Variants in PLCB1 observed in about 807,000 individuals in gnomAD.
The protein encoded by PLCB1 is 1-phosphatidylinositol 4,5-bisphosphate phosphodiesterase beta-1.
Under a neutral mutation model 161.8 loss-of-function variants are expected in PLCB1, and 46 were observed. The observed-to-expected ratio is 0.28, with a 90% CI of 0.22 to 0.36. The LOEUF is 0.36. Among genes scored for constraint, PLCB1 ranks in the 10% least tolerant of loss-of-function variants. The pLI is 1.00. For synonymous variants in PLCB1, 517 were observed against 503.7 expected (o/e 1.03, Z -0.35); for missense variants, 1,016 against 1,472.5 (o/e 0.69, Z 5.07).
chr20:8,365,348 A>G (rs1229629799), intron 2 of PLCB1, among the ~76,000 whole-genome samples: 1 of 152,206 alleles, frequency 6.6e-6, no homozygotes, highest in Non-Finnish European at 1.5e-5. Flanking sequence ...CAGATGTGTC[A>G]TCTTTCTCTT....
intron 2 of PLCB1, among the ~76,000 whole-genome samples, chr20:8,162,718 T>G (rs1486214411): frequency 1.3e-5 from 2 of 152,342 alleles, no homozygotes; most frequent in Non-Finnish European, 2.9e-5. Flanking sequence ...CGGCAAACAA[T>G]GCACCTGTGT....
chr20:8,354,268 T>A (rs754749128), intron 2 of PLCB1, among the ~76,000 whole-genome samples: 1 of 151,994 alleles, frequency 6.6e-6, no homozygotes, highest in Non-Finnish European at 1.5e-5. Flanking sequence ...GTAAAACAAG[T>A]ATTTCAAGAA....
intron 3 of PLCB1, among the ~76,000 whole-genome samples, chr20:8,432,572 A>G (rs1420849419): frequency 6.6e-6 from 1 of 152,262 alleles, no homozygotes; most frequent in Non-Finnish European, 1.5e-5. Flanking sequence ...AGCAGATGCT[A>G]AAACTCAGGA....
intron 2 of PLCB1, among the ~76,000 whole-genome samples, chr20:8,340,232 A>G (rs1037124341): frequency 1.3e-5 from 2 of 152,130 alleles, no homozygotes; most frequent in African/African-American, 4.8e-5. Flanking sequence ...CTCTGAGACA[A>G]TTGTAATGAA....
chr20:8,509,834 C>T (rs191586009), intron 3 of PLCB1, among the ~76,000 whole-genome samples: 16 of 152,194 alleles, frequency 1.1e-4, no homozygotes, highest in African/African-American at 3.1e-4. Context: ...TCTGAAGTTT[C>T]GGGAATAATT....
intron 9 of PLCB1, among the ~76,000 whole-genome samples, chr20:8,665,309 GA>G (rs1989783798): frequency 6.6e-6 from 1 of 152,198 alleles, no homozygotes; most frequent in South Asian, 2.1e-4. Flanking sequence ...TTTTGTTAAA[GA>G]GGTTACATAT....
chr20:8,805,084 T>A (rs965483956), intron 31 of PLCB1, among the ~76,000 whole-genome samples: 4 of 151,950 alleles, frequency 2.6e-5, no homozygotes, highest in African/African-American at 9.7e-5. Context: ...TGTTTTCTAT[T>A]ATGATAGAAG....
intron 11 of PLCB1, among the ~76,000 whole-genome samples, chr20:8,705,167 A>G (rs896641188): frequency 6.6e-5 from 10 of 152,058 alleles, no homozygotes; most frequent in African/African-American, 2.4e-4. Context: ...AGTCAAGTTG[A>G]CACATAAAAT....
chr20:8,756,363 G>C (rs1981737566), intron 23 of PLCB1, among the ~76,000 whole-genome samples: 1 of 152,194 alleles, frequency 6.6e-6, no homozygotes, highest in Admixed American at 6.5e-5. Flanking sequence ...TGCAGGGCCA[G>C]AATCTGAACC....
At chr20:8,264,743 A>G (rs1375875790) in intron 2 of PLCB1, among the ~76,000 whole-genome samples, 3 of 152,100 alleles carry the variant, frequency 2.0e-5, no homozygotes, top group Non-Finnish European at 4.4e-5. Flanking sequence ...GTAGGTACAC[A>G]CACATATGTT....
intron 3 of PLCB1, among the ~76,000 whole-genome samples, chr20:8,476,073 A>G (rs775149731): frequency 6.6e-6 from 1 of 152,188 alleles, no homozygotes; most frequent in Non-Finnish European, 1.5e-5. Flanking sequence ...TAAGGCTATT[A>G]CAGTCATTTC....
intron 23 of PLCB1, among the ~76,000 whole-genome samples, chr20:8,742,518 CAAAGA>C (rs777236157): frequency 2.0e-4 from 31 of 152,032 alleles, no homozygotes; most frequent in Admixed American, 7.9e-4. Context: ...AAGAAAACAA[CAAAGA>C]AATCAACTGT....
At chr20:8,508,642 A>G (rs566721923) in intron 3 of PLCB1, among the ~76,000 whole-genome samples, 75 of 152,324 alleles carry the variant, frequency 4.9e-4, no homozygotes, top group African/African-American at 1.7e-3. Context: ...GGAAACAAAC[A>G]TGGTGTTGAA....
At chr20:8,401,630 A>G (rs1978556510) in intron 3 of PLCB1, among the ~76,000 whole-genome samples, 1 of 152,210 alleles carries the variant, frequency 6.6e-6, no homozygotes. Context: ...AAGGTCTGCA[A>G]AAACATTCCA....
intron 2 of PLCB1, among the ~76,000 whole-genome samples, chr20:8,214,332 G>A (rs556558937): frequency 2.7e-4 from 41 of 152,200 alleles, no homozygotes; most frequent in South Asian, 1.5e-3. Context: ...TCTTAGTGCT[G>A]TCCTCACGAC....
chr20:8,135,069 C>A (rs1285437351), intron 1 of PLCB1, among the ~76,000 whole-genome samples: 1 of 152,134 alleles, frequency 6.6e-6, no homozygotes, highest in African/African-American at 2.4e-5. Context: ...CTTCCAGAAT[C>A]AAGCCAGTTC....
At chr20:8,597,011 A>G (rs1343750362) in intron 3 of PLCB1, among the ~76,000 whole-genome samples, 7 of 149,392 alleles carry the variant, frequency 4.7e-5, no homozygotes, top group East Asian at 2.0e-4. Flanking sequence ...GGCTGAGACA[A>G]TGGGGTTTTC....
intron 3 of PLCB1, among the ~76,000 whole-genome samples, chr20:8,620,557 T>G (rs1034865532): frequency 2.6e-5 from 4 of 151,566 alleles, no homozygotes; most frequent in African/African-American, 9.7e-5. Flanking sequence ...CTGGCCAACA[T>G]AGCAAAAACT....
At chr20:8,265,112 G>A (rs1981890767) in intron 2 of PLCB1, among the ~76,000 whole-genome samples, 1 of 152,152 alleles carries the variant, frequency 6.6e-6, no homozygotes, top group African/African-American at 2.4e-5. Context: ...AAGATCATCA[G>A]TTTTAGTGGC....
Sources: gnomAD v4.1 joint callset for allele counts (sites outside exome capture counted in the v4.1 genomes callset) on GRCh38, gnomAD v4.1.1 for gene constraint, MANE v1.5 for transcripts, NCBI Gene and HGNC (gene_info 2026-07-23, HGNC 2026-07-21) for gene names.